Variants in DFFA observed in about 807,000 individuals in gnomAD.
DFFA encodes the protein DNA fragmentation factor subunit alpha, also known as DFF45.
DFFA carries 14 observed loss-of-function variants against 28.0 expected under a neutral mutation model. The observed-to-expected ratio is 0.50, with a 90% CI of 0.33 to 0.78. The LOEUF (loss-of-function observed/expected upper bound fraction) is 0.78. Ranked by LOEUF, DFFA falls within the 30% of genes least tolerant of loss-of-function variation. DFFA has a pLI of 0.02. For missense variants in DFFA, 395 were observed against 407.1 expected (o/e 0.97, Z 0.26); for synonymous variants, 158 against 170.3 (o/e 0.93, Z 0.56).
In DFFA at chr1:10,457,581, G is replaced by A. The variant is rs1326518890; in HGVS notation, c.*3909C>T. On this transcript the variant is annotated 3_prime_UTR_variant, in exon 6 of 6. Coordinates refer to ENST00000377038, the MANE Select transcript of DFFA (RefSeq NM_004401.3). The stretch of plus-strand genomic sequence containing the variant: ...TAATCCCAGCTACTCTGGAGGCTGA[G>A]GCAAGAGAATCGCCTGAACCTGGGA... 6.6e-6 allele frequency: 1 copy of A among 152,120 alleles called. No individual in the cohort carries two copies. Among genetic ancestry groups the A allele is most frequent in the Non-Finnish European group, 1.5e-5 (1 of 68,068 alleles). The allele number at this position is 152,120 out of a possible 1,614,324, so 9.4% of individuals were successfully genotyped here.
chr1:10,467,633 T>C (rs1392176768), intron 2 of DFFA, among the ~76,000 whole-genome samples: 1 of 151,940 alleles, frequency 6.6e-6, no homozygotes, highest in Non-Finnish European at 1.5e-5. Context: ...GCCTCAGCCT[T>C]GCAAGTAGCT....
At chr1:10,464,294 G>A (rs1358580882) in intron 3 of DFFA, among the ~76,000 whole-genome samples, 18 of 151,520 alleles carry the variant, frequency 1.2e-4, no homozygotes, top group South Asian at 2.1e-4. Flanking sequence ...GGGTTTCACC[G>A]TGTTAGCCAG....
intron 1 of DFFA, among the ~76,000 whole-genome samples, chr1:10,470,648 A>G (rs1312615811): frequency 6.7e-6 from 1 of 149,096 alleles, no homozygotes; most frequent in African/African-American, 2.5e-5. Flanking sequence ...GATGGTCTCG[A>G]TCTCCTGACC....
chr1:10,458,168 G>A lies in DFFA; in HGVS notation c.*3322C>T, dbSNP rs2124333169. 1 of 152,308 alleles carries A rather than the reference G, an allele frequency of 6.6e-6. No individual in the cohort carries two copies. The highest frequency in any genetic ancestry group is 2.4e-5 in the African/African-American group (1 of 41,580). The allele number at this position is 152,308 out of a possible 1,614,324, so 9.4% of individuals were successfully genotyped here. A position where few individuals can be genotyped will look rare whatever the true frequency, so the allele number is the denominator to read the frequency against. The stretch of plus-strand genomic sequence containing the variant: ...ATCCCCGTGCCCCATGTGCCAATCA[G>A]CCTCTGTCGGATGCACAGCGATTCC... On this transcript the variant is annotated 3_prime_UTR_variant, in exon 6 of 6. Transcript: ENST00000377038.
In DFFA at chr1:10,456,718, C is replaced by T. The variant is rs1414672450; in HGVS notation, c.*4772G>A. ...GGTTGGTAAGTGGTAATTAGCGTAG[C>T]TCCTGTCAAAGCCAGTTGCCTCATG... On this transcript the variant is annotated 3_prime_UTR_variant, in exon 6 of 6. Transcript: ENST00000377038. The T allele has an allele frequency of 6.6e-6, 1 of 152,164 alleles. No homozygotes were observed. The highest frequency in any genetic ancestry group is 1.9e-4 in the East Asian group (1 of 5,202). 9.4% of individuals were successfully genotyped at this position (152,164 alleles called of 1,614,324 possible).
At chr1:10,471,791 T>G (rs72640365) in intron 1 of DFFA, among the ~76,000 whole-genome samples, 2 of 152,210 alleles carry the variant, frequency 1.3e-5, no homozygotes, top group Non-Finnish European at 2.9e-5. Context: ...GCTGGTTAAG[T>G]GCAAGGCCAA....
intron 3 of DFFA, 106 bp downstream of exon 3, chr1:10,467,084 G>T (rs1557795209): frequency 2.3e-6 from 3 of 1,289,946 alleles, no homozygotes; most frequent in Non-Finnish European, 3.2e-6. Context: ...TAAAAATTAA[G>T]ATTAAAACAA....
Position 10,458,715 on chromosome 1 carries a change from T to C in DFFA, c.*2775A>G, listed in dbSNP as rs1640890390. ...CATCACGCCTGGCTAATTTTTGTAT[T>C]TTTAGTAGACTGGGTTTTGTCACGT... On this transcript the variant is annotated 3_prime_UTR_variant, in exon 6 of 6. Coordinates refer to ENST00000377038, the MANE Select transcript of DFFA (RefSeq NM_004401.3). 6.6e-6 allele frequency: 1 copy of C among 151,802 alleles called. No homozygotes were observed. The highest frequency in any genetic ancestry group is 1.5e-5 in the Non-Finnish European group (1 of 67,980). 9.4% of individuals were successfully genotyped at this position (151,802 alleles called of 1,614,324 possible). A position where few individuals can be genotyped will look rare whatever the true frequency, so the allele number is the denominator to read the frequency against.
chr1:10,458,596 T>C lies in DFFA; in HGVS notation c.*2894A>G, dbSNP rs1640889474. On this transcript the variant is annotated 3_prime_UTR_variant, in exon 6 of 6. Coordinates refer to ENST00000377038, the MANE Select transcript of DFFA (RefSeq NM_004401.3). ...TTCTGTCACCCAGGCTGGAGCCCAG[T>C]GGCAGGATCTCAGCTCAGTGCAATC... 6.8e-6 allele frequency: 1 copy of C among 147,362 alleles called. No individual in the cohort carries two copies. The highest frequency in any genetic ancestry group is 1.5e-5 in the Non-Finnish European group (1 of 67,326). 9.1% of individuals were successfully genotyped at this position (147,362 alleles called of 1,614,324 possible).
chr1:10,470,005 G>A (rs1441046660), intron 1 of DFFA, among the ~76,000 whole-genome samples: 1 of 151,674 alleles, frequency 6.6e-6, no homozygotes, highest in African/African-American at 2.4e-5. Flanking sequence ...TAGTAGAGAC[G>A]GGGTTTCACC....
chr1:10,471,871 T>C (rs1641103111), intron 1 of DFFA, among the ~76,000 whole-genome samples: 1 of 152,158 alleles, frequency 6.6e-6, no homozygotes, highest in Non-Finnish European at 1.5e-5. Flanking sequence ...TCACGTTCCT[T>C]GTCTGGACCT....
intron 5 of DFFA, chr1:10,462,690 T>G: frequency 9.5e-7 from 1 of 1,047,578 alleles, no homozygotes. Context: ...CCCTCAAGTT[T>G]GCCTTTTCCT....
chr1:10,462,795 C>T (rs1640966071), intron 5 of DFFA: 1 of 1,322,900 alleles, frequency 7.6e-7, no homozygotes, highest in African/African-American at 1.5e-5. Flanking sequence ...GCTATTCCTC[C>T]CTGTCAGGAA....
Position 10,472,203 on chromosome 1 carries a change from A to T in DFFA, c.136+120T>A. 1 of 1,293,186 alleles carries T rather than the reference A, an allele frequency of 7.7e-7. No homozygotes were observed. The highest frequency in any genetic ancestry group is 1.0e-6 in the Non-Finnish European group (1 of 961,646). 80.1% of individuals were successfully genotyped at this position (1,293,186 alleles called of 1,614,324 possible). A position where few individuals can be genotyped will look rare whatever the true frequency, so the allele number is the denominator to read the frequency against. ...TGCCCACTCGGACCGTTTCTGTCCC[A>T]AGCCTCCACCCGAGATACAAGAATC... On this transcript the variant is annotated intron_variant, in intron 1 of 5. Transcript: ENST00000377038. The surrounding 1 kb of genome is among the most constrained non-coding windows in gnomAD (Gnocchi z 5.0).
chr1:10,463,255 C>G, intron 4 of DFFA, 46 bp from the exon 5 acceptor site: 1 of 1,597,730 alleles, frequency 6.3e-7, no homozygotes, highest in Non-Finnish European at 8.6e-7. Context: ...TGTGACCACA[C>G]AGCCACATGA....
In DFFA at chr1:10,456,572, ATAAT is replaced by A. The variant is rs900399608; in HGVS notation, c.*4914_*4917del. 1.3e-5 allele frequency: 2 copies of A among 151,452 alleles called. No individual in the cohort carries two copies. Among genetic ancestry groups the A allele is most frequent in the Admixed American group, 1.3e-4 (2 of 15,176 alleles). The allele number at this position is 151,452 out of a possible 1,614,324, so 9.4% of individuals were successfully genotyped here. The stretch of plus-strand genomic sequence containing the variant: ...GTGGTTATTTATTAAAGATACATTA[ATAAT>A]TCTTGTAATTGATGCAGGTTTTCTT... On this transcript the variant is annotated 3_prime_UTR_variant, in exon 6 of 6. Transcript: ENST00000377038.
Position 10,456,581 on chromosome 1 carries a change from G to A in DFFA, c.*4909C>T, listed in dbSNP as rs1052127603. 1.4e-5 allele frequency: 2 copies of A among 146,060 alleles called. No homozygotes were observed. The highest frequency in any genetic ancestry group is 5.0e-5 in the African/African-American group (2 of 39,844). The allele number at this position is 146,060 out of a possible 1,614,324, so 9.0% of individuals were successfully genotyped here. ...TATTAAAGATACATTAATAATTCTT[G>A]TAATTGATGCAGGTTTTCTTTTTTC... is the stretch of plus-strand genomic sequence containing the variant. On this transcript the variant is annotated 3_prime_UTR_variant, in exon 6 of 6. Coordinates refer to ENST00000377038, the MANE Select transcript of DFFA (RefSeq NM_004401.3).
chr1:10,465,553 C>T (rs150903132), intron 3 of DFFA, among the ~76,000 whole-genome samples: 1,858 of 152,134 alleles, frequency 0.012, 30 homozygotes, highest in African/African-American at 0.042. Context: ...CGTTAAGCCA[C>T]CGTGCCCGGC....
intron 1 of DFFA, among the ~76,000 whole-genome samples, chr1:10,471,879 C>A (rs1232084756): frequency 6.6e-6 from 1 of 152,144 alleles, no homozygotes; most frequent in Non-Finnish European, 1.5e-5. Flanking sequence ...CTTGTCTGGA[C>A]CTCCAGAAAT....
Sources: gnomAD v4.1 joint callset for allele counts (sites outside exome capture counted in the v4.1 genomes callset) on GRCh38, gnomAD v4.1.1 for gene constraint, Gnocchi (gnomAD v3.1) non-coding constraint, MANE v1.5 for transcripts, NCBI Gene and HGNC (gene_info 2026-07-23, HGNC 2026-07-21) for gene names.